PCDHA7: variants seen among roughly 807,000 people sequenced by gnomAD.
PCDHA7 encodes protocadherin alpha-7.
A neutral mutation model predicts 57.2 loss-of-function variants in PCDHA7; 37 were observed. The observed-to-expected ratio is 0.65, with a 90% CI of 0.50 to 0.85. The LOEUF (loss-of-function observed/expected upper bound fraction) is 0.85, where lower values mean the gene tolerates loss of function less well. PCDHA7 is among the 40% of genes least tolerant of loss of function. The pLI is 0.00. For missense variants in PCDHA7, 1,188 were observed against 1,241.8 expected (o/e 0.96, Z 0.65); for synonymous variants, 553 against 558.8 (o/e 0.99, Z 0.15).
Position 140,852,025 on chromosome 5 carries a change from G to A in PCDHA7, c.2355+15287G>A, listed in dbSNP as rs955032010. 1.9e-4 allele frequency: 179 copies of A among 947,094 alleles called. 7 individuals are homozygous for A. The highest frequency in any genetic ancestry group is 4.5e-4 in the African/African-American group (25 of 55,960). The allele number at this position is 947,094 out of a possible 1,614,324, so 58.7% of individuals were successfully genotyped here. A position where few individuals can be genotyped will look rare whatever the true frequency, so the allele number is the denominator to read the frequency against. On this transcript the variant is annotated intron_variant, in intron 1 of 3. Coordinates refer to ENST00000525929, the MANE Select transcript of PCDHA7 (RefSeq NM_018910.3). ...TCTAATTTATAGTTTTAAAAACTTC[G>A]CTTATTGAGTTTTTGTTATGTGGTT...
rs1404352255 is a variant in PCDHA7 at position 140,843,932 on chromosome 5, T to C, written c.2355+7194T>C. 7 of 583,528 alleles carry C rather than the reference T, an allele frequency of 1.2e-5. No homozygotes were observed. In the East Asian group the frequency reaches 1.4e-4, roughly 12 times the overall value. The allele number at this position is 583,528 out of a possible 1,614,324, so 36.1% of individuals were successfully genotyped here. A position where few individuals can be genotyped will look rare whatever the true frequency, so the allele number is the denominator to read the frequency against. ...TGGGTCTATCTTGAAACTCAAGTTA[T>C]GGTTGGATGATATCCATTTTTTACT... is the stretch of plus-strand genomic sequence containing the variant. On this transcript the variant is annotated intron_variant, in intron 1 of 3. Transcript: ENST00000525929.
intron 1 of PCDHA7, chr5:140,860,306 G>T (rs991442000): frequency 6.6e-6 from 1 of 152,016 alleles, no homozygotes; most frequent in Non-Finnish European, 1.5e-5. Context: ...GCTTGAGCCT[G>T]GGAAGTTGAG....
Position 141,009,816 on chromosome 5 carries a change from G to A in PCDHA7, c.2693G>A (p.Ser898Asn). ...QEPTNSQIDK[S>N]DFITFGKKEE... Reference sequence around the variant, plus strand: ...CCTACTAACAGCCAAATTGACAAAAGTGACTTCATAACCTTCGGCAAAAAG... The same window carrying A: ...CCTACTAACAGCCAAATTGACAAAAATGACTTCATAACCTTCGGCAAAAAG... Residue 898 changes from serine to asparagine, a missense_variant, in exon 4 of 4, where the codon AGT (serine) becomes AAT (asparagine). Ser to Asn is a conservative substitution (Grantham distance 46). This residue lies in a region of PCDHA7 where 892 missense variants were observed against 788.5 expected (regional missense o/e 1.13). Transcript: ENST00000525929. 1 of 1,614,044 alleles carries A rather than the reference G, an allele frequency of 6.2e-7. No homozygotes were observed. Among genetic ancestry groups the A allele is most frequent in the African/African-American group, 1.3e-5 (1 of 74,990 alleles).
rs371577720 is a variant in PCDHA7 at position 140,877,172 on chromosome 5, C to G, written c.2355+40434C>G. 239 of 1,613,700 alleles carry G rather than the reference C, an allele frequency of 1.5e-4. No homozygotes were observed. Among genetic ancestry groups the G allele is most frequent in the Non-Finnish European group, 1.9e-4 (229 of 1,179,846 alleles). On this transcript the variant is annotated intron_variant, in intron 1 of 3. Transcript: ENST00000525929. ...AACGACAACGCGCCGGCACTGCTGG[C>G]GACTCCGGCTGGCAGCGCAGGAGGC...
In PCDHA7 at chr5:140,835,675, G is replaced by T. The variant is rs2150241595; in HGVS notation, c.1292G>T (p.Gly431Val). The stretch of plus-strand genomic sequence containing the variant: ...CTGGTGGTTACCGCGCGGGACGGGG[G>T]CTCGCCTTCTCTGTGGGCCACTGCT... The part of the protein sequence containing the change: ...YELVVTARDG[G>V]SPSLWATASV... Residue 431 changes from glycine (G) to valine (V), a missense_variant, in exon 1 of 4, where the codon GGC (glycine) becomes GTC (valine). By Grantham distance (109) the Gly-to-Val change is moderately radical (BLOSUM62 -3). This residue lies in a region of PCDHA7 where 892 missense variants were observed against 788.5 expected (regional missense o/e 1.13). Coordinates refer to ENST00000525929, the MANE Select transcript of PCDHA7 (RefSeq NM_018910.3). 2.5e-6 allele frequency: 4 copies of T among 1,613,918 alleles called. No homozygotes were observed. Among genetic ancestry groups the T allele is most frequent in the Non-Finnish European group, 3.4e-6 (4 of 1,179,884 alleles).
intron 1 of PCDHA7, chr5:140,849,034 T>A: frequency 6.3e-7 from 1 of 1,579,556 alleles, no homozygotes; most frequent in Non-Finnish European, 8.6e-7. Context: ...TATTTCTTCC[T>A]GGACGTGCCA....
chr5:140,849,320 G>C, intron 1 of PCDHA7: 10 of 1,335,992 alleles, frequency 7.5e-6, no homozygotes, highest in Non-Finnish European at 1.0e-5. Flanking sequence ...GCTTGAATGG[G>C]GATATTATTT....
At chr5:140,867,147 C>G (rs1554160998) in intron 1 of PCDHA7, 1 of 152,068 alleles carries the variant, frequency 6.6e-6, no homozygotes, top group Non-Finnish European at 1.5e-5. Flanking sequence ...TATCATTTTT[C>G]CAGAGTAAAC....
intron 1 of PCDHA7, among the ~76,000 whole-genome samples, chr5:140,885,719 T>C (rs1304075284): frequency 6.6e-6 from 1 of 152,210 alleles, no homozygotes; most frequent in Non-Finnish European, 1.5e-5. Flanking sequence ...TAATGTGATC[T>C]CTGTGAAATG....
At chr5:140,850,645 T>G in intron 1 of PCDHA7, 1 of 1,598,542 alleles carries the variant, frequency 6.3e-7, no homozygotes. Flanking sequence ...ACGCTGCTGC[T>G]GTACACTGTG....
intron 1 of PCDHA7, among the ~76,000 whole-genome samples, chr5:140,888,561 G>A (rs2061877783): frequency 6.6e-6 from 1 of 152,156 alleles, no homozygotes; most frequent in South Asian, 2.1e-4. Flanking sequence ...TTCCTTTCAA[G>A]GCTTCATTTT....
Position 140,928,935 on chromosome 5 carries a change from C to G in PCDHA7, c.2356-50014C>G, listed in dbSNP as rs782430427. On this transcript the variant is annotated intron_variant, in intron 1 of 3. Transcript: ENST00000525929. ...CAGGAGGGCAGCTTTCTGCCCAGAA[C>G]TTGTATTTAGTAATTGCCTTGGCTT... The G allele has an allele frequency of 2.5e-6, 4 of 1,613,984 alleles. No individual in the cohort carries two copies. The East Asian group carries it at 8.9e-5, about 36-fold the overall frequency.
intron 1 of PCDHA7, among the ~76,000 whole-genome samples, chr5:140,963,448 A>G (rs567394961): frequency 1.3e-5 from 2 of 152,370 alleles, no homozygotes; most frequent in Non-Finnish European, 2.9e-5. Flanking sequence ...CTCTGTTGCT[A>G]AAGTATTTCT....
chr5:140,857,724 A>G (rs1277501257), intron 1 of PCDHA7: 1 of 1,597,434 alleles, frequency 6.3e-7, no homozygotes, highest in Admixed American at 1.7e-5. Context: ...GACGAGAACG[A>G]CAACGCTCCC....
chr5:140,956,710 CAGA>C (rs1554222572), intron 1 of PCDHA7, among the ~76,000 whole-genome samples: 1 of 152,144 alleles, frequency 6.6e-6, no homozygotes, highest in Non-Finnish European at 1.5e-5. Flanking sequence ...GGAATAGCTT[CAGA>C]AGAATTGGTA....
intron 1 of PCDHA7, chr5:140,848,572 T>C: frequency 3.1e-6 from 5 of 1,595,304 alleles, no homozygotes; most frequent in African/African-American, 1.3e-5. Context: ...ATGTGGGTGG[T>C]GGGGAGCGGC....
chr5:140,842,574 T>C, intron 1 of PCDHA7: 1 of 1,508,332 alleles, frequency 6.6e-7, no homozygotes, highest in East Asian at 2.3e-5. Context: ...CGCGAGAGAG[T>C]GTCGGCCTAT....
intron 1 of PCDHA7, chr5:140,870,529 G>A (rs2052113654): frequency 6.2e-7 from 1 of 1,614,096 alleles, no homozygotes. Context: ...CATCTTCACA[G>A]TGTCGGCGCG....
At chr5:140,989,851 G>C (rs1247481417) in intron 3 of PCDHA7, among the ~76,000 whole-genome samples, 1 of 152,106 alleles carries the variant, frequency 6.6e-6, no homozygotes, top group Non-Finnish European at 1.5e-5. Context: ...TGTGTGGACT[G>C]GAGAGGAATC....
Sources: gnomAD v4.1 joint callset for allele counts (sites outside exome capture counted in the v4.1 genomes callset) on GRCh38, gnomAD v4.1.1 for gene constraint, gnomAD v4.1.1 regional missense constraint, MANE v1.5 for transcripts, NCBI Gene and HGNC (gene_info 2026-07-23, HGNC 2026-07-21) for gene names.